The following RBM8A variants were observed in gnomAD, a reference collection of about 807,000 sequenced individuals.
RBM8A encodes the protein RNA binding motif protein 8A, also known as RNA-binding protein 8A.
In RBM8A, 8 loss-of-function variants were observed where a neutral mutation model predicts 25.1. That is an observed-to-expected ratio of 0.32 (90% CI 0.19 to 0.58). The LOEUF (loss-of-function observed/expected upper bound fraction) is 0.58. Ranked by LOEUF, RBM8A falls within the 20% of genes least tolerant of loss-of-function variation. The pLI is 0.88. For missense variants in RBM8A, 114 were observed against 236.8 expected (o/e 0.48, Z 3.40); for synonymous variants, 66 against 80.0 (o/e 0.82, Z 0.94).
In RBM8A at chr1:145,927,453, T is replaced by G; in HGVS notation, c.-27A>C. On this transcript the variant is annotated 5_prime_UTR_variant, in exon 1 of 6. Transcript: ENST00000583313. ...TCGCCTTCGATCGAGATCTCGTCTG[T>G]GCCGCTCAGACACTAGGTACCTCGG... 3.1e-6 allele frequency: 5 copies of G among 1,602,764 alleles called. No homozygotes were observed. Among genetic ancestry groups the G allele is most frequent in the African/African-American group, 1.3e-5 (1 of 74,832 alleles).
Position 145,923,742 on chromosome 1 carries a change from T to A in RBM8A, c.*2140A>T. 2.0e-6 allele frequency: 1 copy of A among 507,370 alleles called. No homozygotes were observed. The highest frequency in any genetic ancestry group is 4.1e-5 in the South Asian group (1 of 24,552). 31.4% of individuals were successfully genotyped at this position (507,370 alleles called of 1,614,324 possible). On this transcript the variant is annotated 3_prime_UTR_variant, in exon 6 of 6. Transcript: ENST00000583313. ...ATTACTACTAAAGGTCACTTCAGAGTCCCTGCAAAATGGCCTGGAATTTTG... is the reference window on the plus strand; with the variant it reads ...ATTACTACTAAAGGTCACTTCAGAGACCCTGCAAAATGGCCTGGAATTTTG...
chr1:145,926,440 G>A (rs1553755911), intron 4 of RBM8A, 42 bp downstream of exon 4: 2 of 1,608,080 alleles, frequency 1.2e-6, no homozygotes, highest in Non-Finnish European at 1.7e-6. Flanking sequence ...GCTACCTAAG[G>A]CTTATGAAAG....
intron 2 of RBM8A, 63 bp from the exon 3 acceptor site, chr1:145,926,949 G>A (rs2101879020): frequency 6.2e-7 from 1 of 1,613,876 alleles, no homozygotes; most frequent in East Asian, 2.2e-5. Context: ...CCTATGAGGT[G>A]GGTGGGGACT....
chr1:145,922,939 T>A lies in RBM8A; in HGVS notation c.*2943A>T, dbSNP rs1330576485. On this transcript the variant is annotated 3_prime_UTR_variant, in exon 6 of 6. Coordinates refer to ENST00000583313, the MANE Select transcript of RBM8A (RefSeq NM_005105.5). ...GCTTTGATTATTATTTTTTTTTTTT[T>A]TGGAGACAGTCTTACTCTGTCGCCC... The A allele has an allele frequency of 1.3e-5, 2 of 151,404 alleles. No individual in the cohort carries two copies. The highest frequency in any genetic ancestry group is 4.9e-5 in the African/African-American group (2 of 40,900). 9.4% of individuals were successfully genotyped at this position (151,404 alleles called of 1,614,324 possible).
In RBM8A at chr1:145,927,457, G is replaced by A. The variant is rs782173924; in HGVS notation, c.-31C>T. 3.4e-5 allele frequency: 54 copies of A among 1,598,734 alleles called. No individual in the cohort carries two copies. The highest frequency in any genetic ancestry group is 4.5e-5 in the Non-Finnish European group (53 of 1,171,968). On this transcript the variant is annotated 5_prime_UTR_variant, in exon 1 of 6. Transcript: ENST00000583313. ...CTTCGATCGAGATCTCGTCTGTGCC[G>A]CTCAGACACTAGGTACCTCGGGAAA...
chr1:145,924,134 T>C lies in RBM8A; in HGVS notation c.*1748A>G, dbSNP rs781834551. On this transcript the variant is annotated 3_prime_UTR_variant, in exon 6 of 6. Coordinates refer to ENST00000583313, the MANE Select transcript of RBM8A (RefSeq NM_005105.5). The stretch of plus-strand genomic sequence containing the variant: ...GGGTGGTGAGGGGAACCAGTTCTAA[T>C]AGTCCTCAACTCCACTCCAGCTGTT... 7 of 711,800 alleles carry C rather than the reference T, an allele frequency of 9.8e-6. No homozygotes were observed. Among genetic ancestry groups the C allele is most frequent in the Non-Finnish European group, 1.8e-5 (7 of 381,978 alleles). The allele number at this position is 711,800 out of a possible 1,614,324, so 44.1% of individuals were successfully genotyped here.
chr1:145,927,304 T>C (rs1389038865), intron 1 of RBM8A, 56 bp downstream of exon 1: 10 of 1,571,050 alleles, frequency 6.4e-6, no homozygotes, highest in Non-Finnish European at 8.7e-6. Context: ...ATTTTCCTAT[T>C]ATAGCCTTCT....
intron 3 of RBM8A, 85 bp downstream of exon 3, chr1:145,926,712 GCTATCTCTGAAC>G: frequency 6.2e-7 from 1 of 1,613,012 alleles, no homozygotes; most frequent in Non-Finnish European, 8.5e-7. Flanking sequence ...GATTGTTTAA[GCTATCTCTGAAC>G]CCATTCCTAC....
Position 145,921,889 on chromosome 1 carries a change from AT to A in RBM8A, c.*3992del, listed in dbSNP as rs1232526707. ...GATTTGATCCTTACTTACATCCTCA[AT>A]TATTAGAAATATAACTACTAGAAGT... is the stretch of plus-strand genomic sequence containing the variant. On this transcript the variant is annotated 3_prime_UTR_variant, in exon 6 of 6. Transcript: ENST00000583313. 2.6e-5 allele frequency: 4 copies of A among 152,230 alleles called. 1 individual carries two copies. Among genetic ancestry groups the A allele is most frequent in the Non-Finnish European group, 2.9e-5 (2 of 68,040 alleles). The allele number at this position is 152,230 out of a possible 1,614,324, so 9.4% of individuals were successfully genotyped here. A position where few individuals can be genotyped will look rare whatever the true frequency, so the allele number is the denominator to read the frequency against.
In RBM8A at chr1:145,925,710, G is replaced by A; in HGVS notation, c.*172C>T. ...GAACTTTCAATTTTAGGACAGGAAA[G>A]TAACATTAAATGTAGAAAACAAAAA... is the stretch of plus-strand genomic sequence containing the variant. On this transcript the variant is annotated 3_prime_UTR_variant, in exon 6 of 6. Coordinates refer to ENST00000583313, the MANE Select transcript of RBM8A (RefSeq NM_005105.5). The A allele has an allele frequency of 7.4e-6, 5 of 675,500 alleles. No individual in the cohort carries two copies. The highest frequency in any genetic ancestry group is 1.0e-5 in the Non-Finnish European group (4 of 399,288). 41.8% of individuals were successfully genotyped at this position (675,500 alleles called of 1,614,324 possible).
intron 4 of RBM8A, 111 bp from the exon 5 acceptor site, chr1:145,926,288 A>G: frequency 2.0e-6 from 3 of 1,482,084 alleles, no homozygotes; most frequent in Non-Finnish European, 2.8e-6. Context: ...TTAAACAATG[A>G]ATGTACATCA....
In RBM8A at chr1:145,921,644, C is replaced by A; in HGVS notation, c.*4238G>T. ...AACCTGAGTACTAGGTTAATCAAAT[C>A]TCAAATCCAATCCAATACTGAAAAG... is the stretch of plus-strand genomic sequence containing the variant. On this transcript the variant is annotated 3_prime_UTR_variant, in exon 6 of 6. Transcript: ENST00000583313. The A allele has an allele frequency of 6.5e-6, 1 of 152,710 alleles. No individual in the cohort carries two copies. Among genetic ancestry groups the A allele is most frequent in the East Asian group, 1.9e-4 (1 of 5,352 alleles). The allele number at this position is 152,710 out of a possible 1,614,324, so 9.5% of individuals were successfully genotyped here.
chr1:145,924,124 C>A lies in RBM8A; in HGVS notation c.*1758G>T, dbSNP rs1553755374. ...TGGGTAGGTTGGGTGGTGAGGGGAA[C>A]CAGTTCTAATAGTCCTCAACTCCAC... is the stretch of plus-strand genomic sequence containing the variant. On this transcript the variant is annotated 3_prime_UTR_variant, in exon 6 of 6. Coordinates refer to ENST00000583313, the MANE Select transcript of RBM8A (RefSeq NM_005105.5). 2 of 712,738 alleles carry A rather than the reference C, an allele frequency of 2.8e-6. No homozygotes were observed. Among genetic ancestry groups the A allele is most frequent in the Non-Finnish European group, 5.2e-6 (2 of 382,508 alleles). 44.2% of individuals were successfully genotyped at this position (712,738 alleles called of 1,614,324 possible).
chr1:145,926,148 G>C lies in RBM8A; in HGVS notation c.372C>G (p.Tyr124Ter). Residue 124 changes from tyrosine to a stop codon, truncating the protein, a stop_gained, in exon 5 of 6, where the codon TAC becomes TAG. Transcript: ENST00000583313. LOFTEE classifies it high-confidence loss of function. The part of the protein sequence containing the change: ...KGYTLVEYET[Y>*]KEAQAAMEGL... ...CCTCCATAGCAGCCTGGGCTTCCTT[G>C]TATGTTTCATATTCAACTAGAGTAT... 6.2e-7 allele frequency: 1 copy of C among 1,613,904 alleles called. No homozygotes were observed. The highest frequency in any genetic ancestry group is 8.5e-7 in the Non-Finnish European group (1 of 1,180,024).
rs782161157 is a variant in RBM8A at position 145,926,505 on chromosome 1, C to T, written c.319G>A (p.Asp107Asn). The T allele has an allele frequency of 6.2e-7, 1 of 1,614,004 alleles. No individual in the cohort carries two copies. Among genetic ancestry groups the T allele is most frequent in the South Asian group, 1.1e-5 (1 of 91,062 alleles). ...GEIKNIHLNLDRRTGYLKGYT... is the reference protein window; with the variant it reads ...GEIKNIHLNLNRRTGYLKGYT... ...ACCTTCAGATATCCTGTTCGCCTGT[C>T]GAGGTTGAGATGAATGTTTTTAATT... Residue 107 changes from aspartate (D) to asparagine (N), a missense_variant, in exon 4 of 6, where the codon GAC becomes AAC. Coordinates refer to ENST00000583313, the MANE Select transcript of RBM8A (RefSeq NM_005105.5).
rs1360548189 is a variant in RBM8A, at chr1:145,922,431, C to T, written c.*3451G>A. 4 of 152,096 alleles carry T rather than the reference C, an allele frequency of 2.6e-5. No individual in the cohort carries two copies. Among genetic ancestry groups the T allele is most frequent in the Admixed American group, 6.5e-5 (1 of 15,268 alleles). 9.4% of individuals were successfully genotyped at this position (152,096 alleles called of 1,614,324 possible). ...TTTTACTTTGTTTTTTTCTGAGTCTCGGCTCTACTGCTAACTAGCTATATG... is the reference window on the plus strand; with the variant it reads ...TTTTACTTTGTTTTTTTCTGAGTCTTGGCTCTACTGCTAACTAGCTATATG... On this transcript the variant is annotated 3_prime_UTR_variant, in exon 6 of 6. Transcript: ENST00000583313.
At position 145,922,850 on chromosome 1, in the gene RBM8A, T is replaced by G. The variant is rs1216971879; in HGVS notation, c.*3032A>C. Reference sequence around the variant, plus strand: ...GGATGTTTCTACAGTACGTGGTAAATGGCAATAAAACAGGATAAAGGAAAG... The same window carrying G: ...GGATGTTTCTACAGTACGTGGTAAAGGGCAATAAAACAGGATAAAGGAAAG... On this transcript the variant is annotated 3_prime_UTR_variant, in exon 6 of 6. Coordinates refer to ENST00000583313, the MANE Select transcript of RBM8A (RefSeq NM_005105.5). 1 of 151,996 alleles carries G rather than the reference T, an allele frequency of 6.6e-6. No homozygotes were observed. The highest frequency in any genetic ancestry group is 1.5e-5 in the Non-Finnish European group (1 of 67,996). 9.4% of individuals were successfully genotyped at this position (151,996 alleles called of 1,614,324 possible). A position where few individuals can be genotyped will look rare whatever the true frequency, so the allele number is the denominator to read the frequency against.
chr1:145,926,833 C>T lies in RBM8A; in HGVS notation c.181G>A (p.Gly61Ser), dbSNP rs1559231814. The change falls in exon 3 of 6, where the codon GGC (glycine) becomes AGC (serine). Residue 61 changes from glycine (G) to serine (S), a missense_variant. Transcript: ENST00000583313. ...CAGCGTTGTGGTCCGGGTTCATCGC[C>T]ATCCTGCTCCACGCTGTCATAATCC... ...REDYDSVEQD[G>S]DEPGPQRSVE... 1 of 1,614,176 alleles carries T rather than the reference C, an allele frequency of 6.2e-7. No homozygotes were observed. The highest frequency in any genetic ancestry group is 2.2e-5 in the East Asian group (1 of 44,880).
At position 145,922,422 on chromosome 1, in the gene RBM8A, T is replaced by C. The variant is rs1647835262; in HGVS notation, c.*3460A>G. 6.6e-6 allele frequency: 1 copy of C among 152,228 alleles called. No individual in the cohort carries two copies. Among genetic ancestry groups the C allele is most frequent in the Non-Finnish European group, 1.5e-5 (1 of 68,036 alleles). The allele number at this position is 152,228 out of a possible 1,614,324, so 9.4% of individuals were successfully genotyped here. A position where few individuals can be genotyped will look rare whatever the true frequency, so the allele number is the denominator to read the frequency against. ...GTCTGCCTGTTTTACTTTGTTTTTTTCTGAGTCTCGGCTCTACTGCTAACT... is the reference window on the plus strand; with the variant it reads ...GTCTGCCTGTTTTACTTTGTTTTTTCCTGAGTCTCGGCTCTACTGCTAACT... On this transcript the variant is annotated 3_prime_UTR_variant, in exon 6 of 6. Transcript: ENST00000583313.
Sources: allele counts gnomAD v4.1 joint callset, GRCh38; gene constraint gnomAD v4.1.1; transcripts MANE v1.5; gene names NCBI Gene and HGNC (gene_info 2026-07-23, HGNC 2026-07-21).